Variants in SLC24A2 observed in about 807,000 individuals in gnomAD.
The protein encoded by SLC24A2 is solute carrier family 24 member 2, also known as sodium/potassium/calcium exchanger 2.
Under a neutral mutation model 62.0 loss-of-function variants are expected in SLC24A2, and 36 were observed. That is an observed-to-expected ratio of 0.58 (90% CI 0.44 to 0.77). The LOEUF is 0.77. Ranked by LOEUF, SLC24A2 falls within the 30% of genes least tolerant of loss-of-function variation. The pLI, the probability that SLC24A2 is intolerant of heterozygous loss-of-function variation, is 0.00. For missense variants in SLC24A2, 846 were observed against 817.9 expected (o/e 1.03, Z -0.42); for synonymous variants, 358 against 294.0 (o/e 1.22, Z -2.23).
chr9:19,840,153 G>A, the SLC24A2 span, among the ~76,000 whole-genome samples: 1 of 152,142 alleles, frequency 6.6e-6, no homozygotes, highest in East Asian at 1.9e-4. Flanking sequence ...CAAAGACTCT[G>A]CATAGATGGT....
At chr9:19,837,175 G>T in the SLC24A2 span, among the ~76,000 whole-genome samples, 1 of 152,022 alleles carries the variant, frequency 6.6e-6, no homozygotes, top group Non-Finnish European at 1.5e-5. Flanking sequence ...CACAAGGGCC[G>T]GGTGCGGTGG....
the SLC24A2 span, among the ~76,000 whole-genome samples, chr9:19,862,671 C>CA: frequency 2.0e-5 from 3 of 151,642 alleles, no homozygotes; most frequent in African/African-American, 7.3e-5. Flanking sequence ...ACAGTAACAA[C>CA]AAAAAAATTA....
the SLC24A2 span, among the ~76,000 whole-genome samples, chr9:19,889,282 A>C: frequency 1.3e-5 from 2 of 152,098 alleles, no homozygotes; most frequent in African/African-American, 4.8e-5. Flanking sequence ...TCTATAATCC[A>C]CCTGAACTCC....
At chr9:20,163,443 C>G in the SLC24A2 span, among the ~76,000 whole-genome samples, 4 of 152,048 alleles carry the variant, frequency 2.6e-5, no homozygotes, top group Non-Finnish European at 5.9e-5. Context: ...AGGACCTCTT[C>G]AAGGAGAACT....
chr9:19,759,587 G>C (rs540303887), intron 2 of SLC24A2, among the ~76,000 whole-genome samples: 2 of 152,284 alleles, frequency 1.3e-5, no homozygotes, highest in South Asian at 4.1e-4. Flanking sequence ...TGTAAAAACA[G>C]ATTACTTAAA....
chr9:20,267,057 T>TG, the SLC24A2 span, among the ~76,000 whole-genome samples: 3 of 79,818 alleles, frequency 3.8e-5, no homozygotes, highest in East Asian at 4.3e-4. Flanking sequence ...TCTTAAGAAA[T>TG]GAAAAAAAAA....
At chr9:19,836,633 G>A in the SLC24A2 span, among the ~76,000 whole-genome samples, 34 of 152,120 alleles carry the variant, frequency 2.2e-4, no homozygotes, top group African/African-American at 7.7e-4. Context: ...ATTCACAGCC[G>A]AATTCTACCA....
chr9:19,965,808 G>A, the SLC24A2 span, among the ~76,000 whole-genome samples: 2 of 152,130 alleles, frequency 1.3e-5, no homozygotes, highest in African/African-American at 4.8e-5. Context: ...GACCCATCCT[G>A]CAACCAGAAG....
chr9:19,631,503 G>A (rs1818177998), intron 2 of SLC24A2, among the ~76,000 whole-genome samples: 1 of 152,134 alleles, frequency 6.6e-6, no homozygotes, highest in Admixed American at 6.5e-5. Context: ...CATTTTGCCT[G>A]CTTTGTTGGA....
chr9:19,960,179 C>T, the SLC24A2 span, among the ~76,000 whole-genome samples: 2 of 152,140 alleles, frequency 1.3e-5, no homozygotes, highest in East Asian at 1.9e-4. Flanking sequence ...TATCCTAACA[C>T]ACACATACAC....
chr9:20,103,313 A>C, the SLC24A2 span, among the ~76,000 whole-genome samples: 1 of 152,200 alleles, frequency 6.6e-6, no homozygotes, highest in African/African-American at 2.4e-5. Flanking sequence ...TGCAGACTTA[A>C]AAGTCCCTGT....
the SLC24A2 span, among the ~76,000 whole-genome samples, chr9:20,052,011 A>G: frequency 6.6e-6 from 1 of 152,268 alleles, no homozygotes; most frequent in South Asian, 2.1e-4. Flanking sequence ...ATCCATATCA[A>G]GTGCTTAAAA....
the SLC24A2 span, among the ~76,000 whole-genome samples, chr9:20,276,518 C>G: frequency 6.6e-6 from 1 of 152,196 alleles, no homozygotes; most frequent in Admixed American, 6.5e-5. Context: ...TGTGGCTTTT[C>G]CAGGTACATG....
chr9:19,783,282 C>T (rs1823067681), intron 2 of SLC24A2, among the ~76,000 whole-genome samples: 1 of 152,184 alleles, frequency 6.6e-6, no homozygotes, highest in Non-Finnish European at 1.5e-5. Context: ...CCTCTACCTT[C>T]CCAAACTCCC....
At chr9:19,993,325 T>C in the SLC24A2 span, among the ~76,000 whole-genome samples, 1 of 152,210 alleles carries the variant, frequency 6.6e-6, no homozygotes, top group African/African-American at 2.4e-5. Context: ...ATCAATACAC[T>C]TTAAAAACTT....
chr9:20,142,455 G>GT, the SLC24A2 span, among the ~76,000 whole-genome samples: 1 of 145,376 alleles, frequency 6.9e-6, no homozygotes, highest in Non-Finnish European at 1.5e-5. Context: ...AAATATTTTT[G>GT]TTTTTTAAAA....
chr9:20,115,103 C>A, the SLC24A2 span, among the ~76,000 whole-genome samples: 1 of 152,130 alleles, frequency 6.6e-6, no homozygotes, highest in African/African-American at 2.4e-5. Flanking sequence ...AAAGAACATA[C>A]AATAGCCTGG....
the SLC24A2 span, among the ~76,000 whole-genome samples, chr9:20,065,607 T>C: frequency 6.6e-6 from 1 of 152,190 alleles, no homozygotes; most frequent in South Asian, 2.1e-4. Context: ...TACAAGAAAC[T>C]GGGGTTCAAA....
At chr9:20,219,382 A>G in the SLC24A2 span, among the ~76,000 whole-genome samples, 1 of 152,182 alleles carries the variant, frequency 6.6e-6, no homozygotes, top group East Asian at 1.9e-4. Context: ...ACTTTAGAAG[A>G]AAGCAAAGAG....
Sources: gnomAD v4.1 joint callset for allele counts (sites outside exome capture counted in the v4.1 genomes callset) on GRCh38, gnomAD v4.1.1 for gene constraint, MANE v1.5 for transcripts, NCBI Gene and HGNC (gene_info 2026-07-23, HGNC 2026-07-21) for gene names.